Variants in CAMSAP1 observed in about 807,000 individuals in gnomAD.
CAMSAP1 encodes calmodulin regulated spectrin associated protein 1.
A neutral mutation model predicts 143.5 loss-of-function variants in CAMSAP1; 58 were observed. That is an observed-to-expected ratio of 0.40 (90% CI 0.33 to 0.50). The LOEUF (loss-of-function observed/expected upper bound fraction) is 0.50. Among genes scored for constraint, CAMSAP1 ranks in the 20% least tolerant of loss-of-function variants. The pLI, the probability that CAMSAP1 is intolerant of heterozygous loss-of-function variation, is 0.45. For missense variants in CAMSAP1, 1,969 were observed against 2,115.7 expected (o/e 0.93, Z 1.36); for synonymous variants, 945 against 859.3 (o/e 1.10, Z -1.74).
chr9:135,825,445 A>G (rs764864237), intron 8 of CAMSAP1, among the ~76,000 whole-genome samples: 7 of 152,218 alleles, frequency 4.6e-5, no homozygotes, highest in Non-Finnish European at 8.8e-5. Context: ...AAACCTCTAA[A>G]ATCACTCACA....
At chr9:135,868,948 A>G (rs577989047) in intron 3 of CAMSAP1, among the ~76,000 whole-genome samples, 1 of 152,174 alleles carries the variant, frequency 6.6e-6, no homozygotes, top group South Asian at 2.1e-4. Context: ...GTAAGTTTTG[A>G]TACTGTGTCA....
chr9:135,838,769 C>T (rs369951567), intron 7 of CAMSAP1, among the ~76,000 whole-genome samples: 12 of 151,830 alleles, frequency 7.9e-5, no homozygotes, highest in African/African-American at 2.2e-4. Context: ...CACGTCATCA[C>T]GCACTTTCCA....
At chr9:135,899,067 G>C (rs1269470115) in intron 1 of CAMSAP1, among the ~76,000 whole-genome samples, 1 of 152,194 alleles carries the variant, frequency 6.6e-6, no homozygotes, top group Non-Finnish European at 1.5e-5. Context: ...CTAAGTGAAA[G>C]AAGTCAGATT....
At chr9:135,848,544 C>T (rs1836660049) in intron 7 of CAMSAP1, among the ~76,000 whole-genome samples, 1 of 152,078 alleles carries the variant, frequency 6.6e-6, no homozygotes, top group East Asian at 1.9e-4. Context: ...CACACACACG[C>T]ATGCACACAC....
intron 1 of CAMSAP1, among the ~76,000 whole-genome samples, chr9:135,886,356 G>C (rs978876042): frequency 1.2e-4 from 18 of 152,190 alleles, no homozygotes; most frequent in African/African-American, 4.3e-4. Context: ...GGAGACACCA[G>C]TCCCGCACTG....
chr9:135,819,266 T>C (rs1835353815), intron 11 of CAMSAP1, 120 bp from the exon 12 acceptor site: 5 of 1,307,296 alleles, frequency 3.8e-6, no homozygotes, highest in East Asian at 2.5e-5. Context: ...TAAAGACTTC[T>C]ATGCTTTTCT....
chr9:135,846,159 C>T (rs1407014157), intron 7 of CAMSAP1, among the ~76,000 whole-genome samples: 1 of 149,084 alleles, frequency 6.7e-6, no homozygotes, highest in Non-Finnish European at 1.5e-5. Flanking sequence ...ACCAAAACAG[C>T]ATGGTACTGG....
chr9:135,822,132 A>G lies in CAMSAP1; in HGVS notation c.2529T>C (p.Asp843=). 1 of 1,612,986 alleles carries G rather than the reference A, an allele frequency of 6.2e-7. No individual in the cohort carries two copies. The highest frequency in any genetic ancestry group is 1.3e-5 in the African/African-American group (1 of 75,048). Residue 843 remains aspartate, a synonymous_variant, in exon 11 of 17, where the codon GAT becomes GAC. Transcript: ENST00000389532. The surrounding 1 kb of genome is among the most constrained non-coding windows in gnomAD (Gnocchi z 6.1). ...STSSSQKTTP[D]ASESCPAPLT... ...GAGGGGCTGGGCAGCTCTCAGACGC[A>G]TCTGGCGTGGTCTTCTGGGAGCTGC...
intron 1 of CAMSAP1, among the ~76,000 whole-genome samples, chr9:135,902,005 A>C (rs1433962211): frequency 6.6e-6 from 1 of 152,160 alleles, no homozygotes; most frequent in Non-Finnish European, 1.5e-5. Context: ...GTATTTGAGC[A>C]CTCTGTACTG....
rs1837740048 is a variant in CAMSAP1, at chr9:135,876,109, TCAC to T, written c.585+5521_585+5523del. 3.3e-5 allele frequency among the ~76,000 whole-genome samples: 5 copies of T among 152,218 alleles called. No individual in the cohort carries two copies. The South Asian group carries it at 1.0e-3, about 32-fold the overall frequency. On this transcript the variant is annotated intron_variant, in intron 3 of 16. Transcript: ENST00000389532. ...TAGCTGGGATTACAGGCGCCCGCCATCACGCCTAATTTTTGTATTTTCAGTAGA... is the reference window on the plus strand; with the variant it reads ...TAGCTGGGATTACAGGCGCCCGCCATGCCTAATTTTTGTATTTTCAGTAGA...
chr9:135,877,924 G>A (rs2130973063), intron 3 of CAMSAP1, among the ~76,000 whole-genome samples: 1 of 152,354 alleles, frequency 6.6e-6, no homozygotes, highest in East Asian at 1.9e-4. Context: ...CACCCGGGAA[G>A]GAGGAAAACC....
intron 4 of CAMSAP1, among the ~76,000 whole-genome samples, chr9:135,864,923 TGGA>T (rs572926322): frequency 1.2e-3 from 182 of 152,300 alleles, no homozygotes; most frequent in African/African-American, 4.2e-3. Flanking sequence ...CCCGCATACC[TGGA>T]CCACCCAGCT....
Position 135,828,409 on chromosome 9 carries a change from T to C in CAMSAP1, c.1046-825A>G, listed in dbSNP as rs1835749577. ...CTCTGCAGACGGTCTAGGGAAAAGA[T>C]AAAGAGGGCTAAGAGGCAGCAACAT... On this transcript the variant is annotated intron_variant, in intron 7 of 16. Transcript: ENST00000389532. Among the ~76,000 whole-genome samples the C allele has an allele frequency of 2.0e-5, 3 of 151,998 alleles. No individual in the cohort carries two copies. In the South Asian group the frequency reaches 6.2e-4, roughly 32 times the overall value.
intron 1 of CAMSAP1, among the ~76,000 whole-genome samples, chr9:135,903,372 G>A (rs1237239204): frequency 6.6e-6 from 1 of 152,212 alleles, no homozygotes; most frequent in Admixed American, 6.5e-5. Context: ...AAACAAGAGA[G>A]TTACCAAAAG....
chr9:135,850,652 G>A (rs540014742), intron 5 of CAMSAP1, among the ~76,000 whole-genome samples, 191 bp from the exon 6 acceptor site: 7 of 152,290 alleles, frequency 4.6e-5, no homozygotes, highest in African/African-American at 1.7e-4. Context: ...GACAACTCCA[G>A]GAACCTCTCA....
rs11440001 is a variant in CAMSAP1, at chr9:135,874,478, A to AGGG, written c.585+7152_585+7154dup. Among the ~76,000 whole-genome samples the AGGG allele has an allele frequency of 5.2e-4, 51 of 98,236 alleles. 1 individual carries two copies. The highest frequency in any genetic ancestry group is 1.4e-3 in the African/African-American group (34 of 23,468). 64.4% of individuals were successfully genotyped at this position (98,236 alleles called of 152,430 possible). ...ACAGGGTGAGACCCTGTCTCAAAAA[A>AGGG]GGGGGGGGGGGGCCACAGGGGCCGG... On this transcript the variant is annotated intron_variant, in intron 3 of 16. Coordinates refer to ENST00000389532, the MANE Select transcript of CAMSAP1 (RefSeq NM_015447.4).
rs1394555280 is a variant in CAMSAP1 at position 135,824,559 on chromosome 9, G to C, written c.1315+230C>G. Among the ~76,000 whole-genome samples, 2 of 152,156 alleles carry C rather than the reference G, an allele frequency of 1.3e-5. No homozygotes were observed. The highest frequency in any genetic ancestry group is 4.8e-5 in the African/African-American group (2 of 41,432). On this transcript the variant is annotated intron_variant, in intron 9 of 16. Transcript: ENST00000389532. This position sits in a 1 kb window ranked among gnomAD's most constrained non-coding sequence, Gnocchi z 4.1. ...ATGCGCCTATAATCCCAGCTATGTGGGAGGCTGAGGCAGGAGAATTGCTTG... is the reference window on the plus strand; with the variant it reads ...ATGCGCCTATAATCCCAGCTATGTGCGAGGCTGAGGCAGGAGAATTGCTTG...
chr9:135,813,110 G>A (rs979252941), intron 16 of CAMSAP1, among the ~76,000 whole-genome samples: 1 of 152,214 alleles, frequency 6.6e-6, no homozygotes, highest in African/African-American at 2.4e-5. Flanking sequence ...GAGTGCACCT[G>A]GGTCTGCCCT....
At chr9:135,847,198 C>G (rs1836586281) in intron 7 of CAMSAP1, among the ~76,000 whole-genome samples, 1 of 149,086 alleles carries the variant, frequency 6.7e-6, no homozygotes, top group Non-Finnish European at 1.5e-5. Context: ...AAAAAAAATA[C>G]AAAAAAATTA....
Sources: gnomAD v4.1 joint callset for allele counts (sites outside exome capture counted in the v4.1 genomes callset) on GRCh38, gnomAD v4.1.1 for gene constraint, Gnocchi (gnomAD v3.1) non-coding constraint, MANE v1.5 for transcripts, NCBI Gene and HGNC (gene_info 2026-07-23, HGNC 2026-07-21) for gene names.